The following TC2N variants were observed in gnomAD, a reference collection of about 807,000 sequenced individuals.
TC2N encodes the protein tandem C2 domains nuclear protein.
TC2N carries 51 observed loss-of-function variants against 61.9 expected under a neutral mutation model. The observed-to-expected ratio is 0.82, with a 90% confidence interval of 0.66 to 1.04. The LOEUF is 1.04. Ranked by LOEUF, TC2N falls within the 50% of genes least tolerant of loss-of-function variation. The pLI is 0.00. For missense variants in TC2N, 556 were observed against 566.7 expected (o/e 0.98, Z 0.19); for synonymous variants, 204 against 192.6 (o/e 1.06, Z -0.49).
chr14:91,802,674 C>T lies in TC2N; in HGVS notation c.302-253G>A, dbSNP rs564913327. 2.0e-5 allele frequency among the ~76,000 whole-genome samples: 3 copies of T among 151,722 alleles called. No homozygotes were observed. The South Asian group carries it at 6.3e-4, about 32-fold the overall frequency. ...ATTTTTCTTTGCCCCATAGACAATTCTGTATTGTGTGATCTGAGTTTCCTC... is the reference window on the plus strand; with the variant it reads ...ATTTTTCTTTGCCCCATAGACAATTTTGTATTGTGTGATCTGAGTTTCCTC... On this transcript the variant is annotated intron_variant, in intron 3 of 11. Coordinates refer to ENST00000435962, the MANE Select transcript of TC2N (RefSeq NM_001128596.3).
rs185101436 is a variant in TC2N at position 91,810,885 on chromosome 14, G to C, written c.301+1427C>G. Among the ~76,000 whole-genome samples, 60 of 151,424 alleles carry C rather than the reference G, an allele frequency of 4.0e-4. No individual in the cohort carries two copies. In the East Asian group the frequency reaches 8.5e-3, roughly 21 times the overall value. On this transcript the variant is annotated intron_variant, in intron 3 of 11. Transcript: ENST00000435962. The stretch of plus-strand genomic sequence containing the variant: ...AGATACTTGAAAAAAAAAAGTCTCA[G>C]AGACCCATAGAACAATATCAAAAGG...
chr14:91,861,539 C>A (rs775709310), intron 1 of TC2N, among the ~76,000 whole-genome samples: 1 of 152,090 alleles, frequency 6.6e-6, no homozygotes, highest in Non-Finnish European at 1.5e-5. Context: ...TGGGCCAGTG[C>A]AGAGAAAGAA....
Position 91,813,838 on chromosome 14 carries a change from T to C in TC2N, c.-56-13A>G, listed in dbSNP as rs778185245. 104 of 1,122,410 alleles carry C rather than the reference T, an allele frequency of 9.3e-5. No homozygotes were observed. The highest frequency in any genetic ancestry group is 6.1e-4 in the Middle Eastern group (3 of 4,948). 69.5% of individuals were successfully genotyped at this position (1,122,410 alleles called of 1,614,324 possible). A position where few individuals can be genotyped will look rare whatever the true frequency, so the allele number is the denominator to read the frequency against. On this transcript the variant is annotated splice_polypyrimidine_tract_variant and intron_variant, in intron 1 of 11. Transcript: ENST00000435962. ...TCTTAATATTAATCTGTTGGTAGAATAGAAAACAAGTTAACCTGCTTGTCA... is the reference window on the plus strand; with the variant it reads ...TCTTAATATTAATCTGTTGGTAGAACAGAAAACAAGTTAACCTGCTTGTCA...
In TC2N at chr14:91,781,977, A is replaced by G. The variant is rs1885152226; in HGVS notation, c.*1123T>C. The stretch of plus-strand genomic sequence containing the variant: ...AAGAATGGGGGCAGAAAAAAAGGGA[A>G]GACTGAGAACACAGAGCACTTAGTC... On this transcript the variant is annotated 3_prime_UTR_variant, in exon 12 of 12. Transcript: ENST00000435962. 6.6e-6 allele frequency: 1 copy of G among 152,068 alleles called. No homozygotes were observed. Among genetic ancestry groups the G allele is most frequent in the South Asian group, 2.1e-4 (1 of 4,828 alleles). 9.4% of individuals were successfully genotyped at this position (152,068 alleles called of 1,614,324 possible).
intron 1 of TC2N, among the ~76,000 whole-genome samples, chr14:91,830,021 T>G (rs1887681341): frequency 6.6e-6 from 1 of 152,098 alleles, no homozygotes; most frequent in East Asian, 1.9e-4. Flanking sequence ...TCACACACAC[T>G]AATCAAAAAG....
intron 1 of TC2N, among the ~76,000 whole-genome samples, chr14:91,863,284 C>T (rs1372669191): frequency 6.6e-6 from 1 of 152,196 alleles, no homozygotes; most frequent in Non-Finnish European, 1.5e-5. Flanking sequence ...TGGGCTTGCC[C>T]AGCGCAGTAA....
At chr14:91,828,794 A>G (rs1053275454) in intron 1 of TC2N, among the ~76,000 whole-genome samples, 1 of 152,008 alleles carries the variant, frequency 6.6e-6, no homozygotes, top group Non-Finnish European at 1.5e-5. Flanking sequence ...CTTAATACAG[A>G]TTTTTAGGTT....
chr14:91,783,110 T>C lies in TC2N; in HGVS notation c.1463A>G (p.Asn488Ser). The part of the protein sequence containing the change: ...EKVVIRWHKL[N>S]PS ...TAATGTGTGAAGTCTTCAAGATGGA[T>C]TTAATTTGTGCCACCTGATAACAAC... is the stretch of plus-strand genomic sequence containing the variant. Residue 488 changes from asparagine (N) to serine (S), a missense_variant, in exon 12 of 12, where the codon AAT (asparagine) becomes AGT (serine). Coordinates refer to ENST00000435962, the MANE Select transcript of TC2N (RefSeq NM_001128596.3). The C allele has an allele frequency of 6.2e-7, 1 of 1,601,118 alleles. No homozygotes were observed. The highest frequency in any genetic ancestry group is 2.2e-5 in the East Asian group (1 of 44,644).
Position 91,787,520 on chromosome 14 carries a change from C to CA in TC2N, c.1154dup (p.Thr386AspfsTer12), listed in dbSNP as rs767884206. 1.9e-6 allele frequency: 3 copies of CA among 1,601,594 alleles called. No individual in the cohort carries two copies. Among genetic ancestry groups the CA allele is most frequent in the Non-Finnish European group, 2.6e-6 (3 of 1,172,042 alleles). ...AACCACTGATATACTTACTCAAAGT[C>CA]AGAGGTGTTGATGAGCTTGGAAGGT... is the stretch of plus-strand genomic sequence containing the variant. On this transcript the variant is annotated frameshift_variant, in exon 10 of 12. Coordinates refer to ENST00000435962, the MANE Select transcript of TC2N (RefSeq NM_001128596.3). LOFTEE classifies it high-confidence loss of function.
intron 1 of TC2N, among the ~76,000 whole-genome samples, chr14:91,862,883 A>T (rs1888622596): frequency 6.6e-6 from 1 of 152,192 alleles, no homozygotes; most frequent in African/African-American, 2.4e-5. Context: ...GTTCCAACAG[A>T]ACAACAACAA....
rs779174077 is a variant in TC2N, at chr14:91,802,295, C to T, written c.428G>A (p.Arg143His). 2.5e-6 allele frequency: 4 copies of T among 1,601,890 alleles called. No homozygotes were observed. Among genetic ancestry groups the T allele is most frequent in the Middle Eastern group, 1.7e-4 (1 of 6,060 alleles). Residue 143 changes from arginine to histidine, a missense_variant, in exon 4 of 12, where the codon CGC becomes CAC. By Grantham distance (29) the Arg-to-His change is conservative. Coordinates refer to ENST00000435962, the MANE Select transcript of TC2N (RefSeq NM_001128596.3). The part of the protein sequence containing the change: ...YQHISPDLSR[R>H]FPPRSEVKRL... ...CTTCACTTCTGAACGGGGAGGAAAG[C>T]GTCGACTCAAATCAGGTGAAATGTG...
At chr14:91,794,115 C>G (rs1885788983) in intron 8 of TC2N, among the ~76,000 whole-genome samples, 1 of 152,128 alleles carries the variant, frequency 6.6e-6, no homozygotes, top group Admixed American at 6.5e-5. Flanking sequence ...AAACCTAATC[C>G]AGAGCAAGGT....
intron 1 of TC2N, among the ~76,000 whole-genome samples, chr14:91,842,328 T>C (rs1426327001): frequency 6.6e-6 from 1 of 152,188 alleles, no homozygotes; most frequent in East Asian, 1.9e-4. Flanking sequence ...AAGTTATTTA[T>C]CTATAGGAAC....
At chr14:91,809,471 G>GT (rs1886670007) in intron 3 of TC2N, among the ~76,000 whole-genome samples, 1 of 152,028 alleles carries the variant, frequency 6.6e-6, no homozygotes, top group Admixed American at 6.6e-5. Flanking sequence ...TCTCTTGTAG[G>GT]TAACAATAAA....
rs531805401 is a variant in TC2N, at chr14:91,827,683, G to A, written c.-56-13858C>T. On this transcript the variant is annotated intron_variant, in intron 1 of 11. Coordinates refer to ENST00000435962, the MANE Select transcript of TC2N (RefSeq NM_001128596.3). ...TGTGAGGTAACATTCACAGGTTCTG[G>A]GAATTAGGACATGGTAATCTTTGTG... Among the ~76,000 whole-genome samples the A allele has an allele frequency of 3.9e-5, 6 of 152,178 alleles. No individual in the cohort carries two copies. The South Asian group carries it at 1.2e-3, about 32-fold the overall frequency.
intron 2 of TC2N, among the ~76,000 whole-genome samples, chr14:91,813,435 T>C (rs1886867287): frequency 6.6e-6 from 1 of 151,790 alleles, no homozygotes; most frequent in Admixed American, 6.6e-5. Context: ...CTCTTCCTTC[T>C]TCCCACCCAA....
At chr14:91,797,203 A>AT (rs983730826) in intron 8 of TC2N, among the ~76,000 whole-genome samples, 52 of 152,196 alleles carry the variant, frequency 3.4e-4, no homozygotes, top group African/African-American at 1.2e-3. Context: ...TATTTCTATG[A>AT]TTAATAGTGA....
rs1327892079 is a variant in TC2N, at chr14:91,820,514, T to C, written c.-56-6689A>G. On this transcript the variant is annotated intron_variant, in intron 1 of 11. Transcript: ENST00000435962. Reference sequence around the variant, plus strand: ...CTATAGTTAACATCACAGGAACTGGTGAAAGATTGAAAGTCTCCCTCTAAA... The same window carrying C: ...CTATAGTTAACATCACAGGAACTGGCGAAAGATTGAAAGTCTCCCTCTAAA... 1.3e-5 allele frequency among the ~76,000 whole-genome samples: 2 copies of C among 151,646 alleles called. 1 individual carries two copies. Among genetic ancestry groups the C allele is most frequent in the Admixed American group, 1.3e-4 (2 of 15,238 alleles).
At chr14:91,792,219 T>A (rs955028273) in intron 9 of TC2N, 148 bp downstream of exon 9, 1 of 281,778 alleles carries the variant, frequency 3.5e-6, no homozygotes, top group Admixed American at 1.1e-4. Flanking sequence ...ATCAATAATT[T>A]CTAAATATTT....
Sources: gnomAD v4.1 joint callset for allele counts (sites outside exome capture counted in the v4.1 genomes callset) on GRCh38, gnomAD v4.1.1 for gene constraint, MANE v1.5 for transcripts, NCBI Gene and HGNC (gene_info 2026-07-23, HGNC 2026-07-21) for gene names.